FEZ1: variants seen among roughly 807,000 people sequenced by gnomAD.
The protein encoded by FEZ1 is fasciculation and elongation protein zeta-1.
A neutral mutation model predicts 49.3 loss-of-function variants in FEZ1; 20 were observed. The ratio of observed to expected loss-of-function variants is 0.41; its 90% CI spans 0.29 to 0.59. The LOEUF is 0.59. FEZ1 is among the 20% of genes least tolerant of loss of function. The probability of loss-of-function intolerance (pLI) is 0.36; values close to 1 mark genes in which losing one functional copy is unlikely to be tolerated. For synonymous variants in FEZ1, 170 were observed against 180.9 expected, an observed-to-expected ratio of 0.94 and a Z score of 0.48; for missense variants, 413 against 476.0, an observed-to-expected ratio of 0.87 and a Z score of 1.23.
At chr11:125,461,752 G>C (rs117415706) in intron 4 of FEZ1, among the ~76,000 whole-genome samples, 1 of 152,202 alleles carries the variant, frequency 6.6e-6, no homozygotes, top group Non-Finnish European at 1.5e-5. Flanking sequence ...TAAAGTCCCC[G>C]AGGCCAGCAT....
chr11:125,477,545 A>G (rs1265623243), intron 3 of FEZ1, among the ~76,000 whole-genome samples: 1 of 152,076 alleles, frequency 6.6e-6, no homozygotes, highest in African/African-American at 2.4e-5. Context: ...GAGATAGCAA[A>G]GGGCTCAGCA....
At chr11:125,470,908 T>C (rs997482005) in intron 3 of FEZ1, among the ~76,000 whole-genome samples, 1 of 152,178 alleles carries the variant, frequency 6.6e-6, no homozygotes, top group African/African-American at 2.4e-5. Flanking sequence ...TTGTGGAGTA[T>C]ATAATGTAGA....
In FEZ1 at chr11:125,481,517, G is replaced by T. The variant is rs752132551; in HGVS notation, c.411+17C>A. On this transcript the variant is annotated intron_variant, in intron 3 of 9. Coordinates refer to ENST00000278919, the MANE Select transcript of FEZ1 (RefSeq NM_005103.5). ...CACATCTCAAGCCCTGCTAAACCAG[G>T]GGCCCCGGAGAGGTACCTCAGTGTC... The T allele has an allele frequency of 1.2e-5, 18 of 1,505,482 alleles. No individual in the cohort carries two copies. Among genetic ancestry groups the T allele is most frequent in the Non-Finnish European group, 1.7e-5 (18 of 1,080,938 alleles). The allele number at this position is 1,505,482 out of a possible 1,614,324, so 93.3% of individuals were successfully genotyped here.
chr11:125,475,034 C>A (rs1957218154), intron 3 of FEZ1, among the ~76,000 whole-genome samples: 1 of 152,130 alleles, frequency 6.6e-6, no homozygotes, highest in African/African-American at 2.4e-5. Context: ...CTTTGGGAGG[C>A]CGGGGCAGGT....
At chr11:125,449,220 T>C (rs1399621163) in intron 8 of FEZ1, among the ~76,000 whole-genome samples, 1 of 150,926 alleles carries the variant, frequency 6.6e-6, no homozygotes, top group African/African-American at 2.4e-5. Context: ...TTTTTTTTTT[T>C]TTTTTAGTAA....
intron 3 of FEZ1, among the ~76,000 whole-genome samples, chr11:125,475,450 G>A (rs1335088047): frequency 6.6e-6 from 1 of 152,168 alleles, no homozygotes; most frequent in Non-Finnish European, 1.5e-5. Context: ...ACAAGTGTTA[G>A]TGAGAATATG....
intron 5 of FEZ1, among the ~76,000 whole-genome samples, chr11:125,457,644 G>A (rs1189089712): frequency 2.0e-5 from 3 of 151,508 alleles, no homozygotes; most frequent in African/African-American, 7.3e-5. Context: ...TTTAATTTTT[G>A]TGGGTACATA....
chr11:125,492,198 C>A (rs1957388945), intron 1 of FEZ1, among the ~76,000 whole-genome samples: 1 of 152,180 alleles, frequency 6.6e-6, no homozygotes, highest in Non-Finnish European at 1.5e-5. Context: ...TTTGGACTAG[C>A]CACATTGCAA....
chr11:125,463,418 G>A, intron 4 of FEZ1, 66 bp downstream of exon 4: 1 of 913,644 alleles, frequency 1.1e-6, no homozygotes, highest in Non-Finnish European at 1.8e-6. Flanking sequence ...TGGCAAGTGT[G>A]TTCTCTTGGA....
At chr11:125,480,244 C>T (rs908056518) in intron 3 of FEZ1, among the ~76,000 whole-genome samples, 3 of 151,976 alleles carry the variant, frequency 2.0e-5, no homozygotes, top group Admixed American at 1.3e-4. Context: ...GGCATGGTGG[C>T]GTATGCCTGT....
chr11:125,484,117 A>AGTT (rs1245122474), intron 2 of FEZ1, among the ~76,000 whole-genome samples: 2 of 152,178 alleles, frequency 1.3e-5, no homozygotes, highest in African/African-American at 4.8e-5. Context: ...CTTTATAATC[A>AGTT]GTTGTATACC....
intron 2 of FEZ1, chr11:125,488,929 C>A: frequency 1.0e-6 from 1 of 985,404 alleles, no homozygotes; most frequent in Non-Finnish European, 1.2e-6. Context: ...CACCTAGTTT[C>A]CACCTTTACT....
rs377689781 is a variant in FEZ1, at chr11:125,481,524, G to T, written c.411+10C>A. The T allele has an allele frequency of 1.3e-6, 2 of 1,567,460 alleles. No homozygotes were observed. The highest frequency in any genetic ancestry group is 1.4e-5 in the African/African-American group (1 of 73,918). Reference sequence around the variant, plus strand: ...CAAGCCCTGCTAAACCAGGGGCCCCGGAGAGGTACCTCAGTGTCAGAGCAG... The same window carrying T: ...CAAGCCCTGCTAAACCAGGGGCCCCTGAGAGGTACCTCAGTGTCAGAGCAG... On this transcript the variant is annotated intron_variant, in intron 3 of 9. Coordinates refer to ENST00000278919, the MANE Select transcript of FEZ1 (RefSeq NM_005103.5).
At position 125,489,618 on chromosome 11, in the gene FEZ1, T is replaced by C. The variant is rs1957362568; in HGVS notation, c.160A>G (p.Ile54Val). The C allele has an allele frequency of 3.7e-6, 6 of 1,614,184 alleles. No homozygotes were observed. The highest frequency in any genetic ancestry group is 5.1e-6 in the Non-Finnish European group (6 of 1,180,030). Residue 54 changes from isoleucine (I) to valine (V), a missense_variant, in exon 2 of 10, where the codon ATC becomes GTC. Coordinates refer to ENST00000278919, the MANE Select transcript of FEZ1 (RefSeq NM_005103.5). The surrounding 1 kb of genome is among the most constrained non-coding windows in gnomAD (Gnocchi z 4.2). ...SELENFSSEI[I>V]SFKSMEDLVN... ...AGGTCCTCCATGGACTTGAAGCTGA[T>C]TATTTCGGAAGAAAAATTCTCAAGC...
intron 2 of FEZ1, among the ~76,000 whole-genome samples, chr11:125,483,503 G>T (rs1282148179): frequency 1.3e-5 from 2 of 152,186 alleles, no homozygotes; most frequent in Non-Finnish European, 2.9e-5. Flanking sequence ...CACTATTAGA[G>T]CTGCATTAAT....
At chr11:125,450,795 A>C (rs1162597185) in intron 8 of FEZ1, among the ~76,000 whole-genome samples, 1 of 152,256 alleles carries the variant, frequency 6.6e-6, no homozygotes, top group Non-Finnish European at 1.5e-5. Context: ...AGCCAGTATA[A>C]TCTCAACTAT....
intron 7 of FEZ1, 44 bp downstream of exon 7, chr11:125,454,086 C>A: frequency 7.0e-7 from 1 of 1,435,064 alleles, no homozygotes; most frequent in African/African-American, 1.4e-5. Context: ...GGCCAAGCTG[C>A]AGGAGTCTAG....
intron 3 of FEZ1, among the ~76,000 whole-genome samples, chr11:125,477,232 C>T (rs1957240593): frequency 6.6e-6 from 1 of 151,728 alleles, no homozygotes; most frequent in African/African-American, 2.4e-5. Flanking sequence ...CAGTGCCTCA[C>T]ACCTGTAATC....
Position 125,444,121 on chromosome 11 carries a change from C to T in FEZ1, c.*1974G>A, listed in dbSNP as rs544077804. Among the ~76,000 whole-genome samples the T allele has an allele frequency of 8.1e-6, 1 of 124,222 alleles. No homozygotes were observed. Among genetic ancestry groups the T allele is most frequent in the African/African-American group, 2.8e-5 (1 of 36,286 alleles). The allele number at this position is 124,222 out of a possible 152,430, so 81.5% of individuals were successfully genotyped here. On this transcript the variant is annotated 3_prime_UTR_variant, in exon 10 of 10. Coordinates refer to ENST00000278919, the MANE Select transcript of FEZ1 (RefSeq NM_005103.5). ...CCGAACTGAATCCATGCCCTTTTATCACAGGACGAGTTGTCACTTCCATGC... is the reference window on the plus strand; with the variant it reads ...CCGAACTGAATCCATGCCCTTTTATTACAGGACGAGTTGTCACTTCCATGC...
Sources: allele counts gnomAD v4.1 joint callset (sites outside exome capture counted in the v4.1 genomes callset), GRCh38; gene constraint gnomAD v4.1.1; non-coding constraint Gnocchi (gnomAD v3.1); transcripts MANE v1.5; gene names NCBI Gene and HGNC (gene_info 2026-07-23, HGNC 2026-07-21).